Variants in SDC4 observed in about 807,000 individuals in gnomAD.
SDC4 encodes syndecan-4.
Under a neutral mutation model 20.5 loss-of-function variants are expected in SDC4, and 17 were observed. That is an observed-to-expected ratio of 0.83 (90% confidence interval 0.57 to 1.25). SDC4 has a LOEUF of 1.25. SDC4 is among the 50% of genes most tolerant of loss of function. The pLI is 0.00. For synonymous variants in SDC4, 107 were observed against 105.3 expected (o/e 1.02, Z -0.10); for missense variants, 241 against 252.3 (o/e 0.96, Z 0.30).
chr20:45,335,215 T>C lies in SDC4; in HGVS notation c.199+567A>G, dbSNP rs190019782. Among the ~76,000 whole-genome samples, 3 of 151,720 alleles carry C rather than the reference T, an allele frequency of 2.0e-5. No individual in the cohort carries two copies. In the East Asian group the frequency reaches 5.9e-4, roughly 30 times the overall value. On this transcript the variant is annotated intron_variant, in intron 2 of 4. Coordinates refer to ENST00000372733, the MANE Select transcript of SDC4 (RefSeq NM_002999.4). ...TGTTTTGAGACAGGGTCTCACTCTG[T>C]CACCCAGGCTGGAGTGCAGTAGCAT...
chr20:45,329,573 G>A lies in SDC4; in HGVS notation c.445+793C>T, dbSNP rs60885512. Among the ~76,000 whole-genome samples, 448 of 152,310 alleles carry A rather than the reference G, an allele frequency of 2.9e-3. 3 individuals are homozygous for A. Among genetic ancestry groups the A allele is most frequent in the African/African-American group, 0.01 (423 of 41,568 alleles). ...CAGGTGAGACCTTCCATCTGTCCTG[G>A]ATGAAGCCAGGCTCTGTCCCTATAG... On this transcript the variant is annotated intron_variant, in intron 4 of 4. Coordinates refer to ENST00000372733, the MANE Select transcript of SDC4 (RefSeq NM_002999.4).
intron 3 of SDC4, among the ~76,000 whole-genome samples, chr20:45,331,668 G>A (rs919529880): frequency 3.3e-5 from 5 of 152,208 alleles, no homozygotes; most frequent in African/African-American, 1.2e-4. Context: ...CTCATTATAT[G>A]CTAATTATAC....
Position 45,327,130 on chromosome 20 carries a change from C to G in SDC4, c.*134G>C. The stretch of plus-strand genomic sequence containing the variant: ...TAGAAGACAATGTCTCTTCTGAACA[C>G]TTCAAAGGTAATCAGAGCTGGAGAT... On this transcript the variant is annotated 3_prime_UTR_variant, in exon 5 of 5. Coordinates refer to ENST00000372733, the MANE Select transcript of SDC4 (RefSeq NM_002999.4). 3.2e-6 allele frequency: 3 copies of G among 925,538 alleles called. No homozygotes were observed. Among genetic ancestry groups the G allele is most frequent in the Non-Finnish European group, 5.0e-6 (3 of 605,838 alleles). 57.3% of individuals were successfully genotyped at this position (925,538 alleles called of 1,614,324 possible). A position where few individuals can be genotyped will look rare whatever the true frequency, so the allele number is the denominator to read the frequency against.
At chr20:45,340,840 C>T (rs1429567272) in intron 1 of SDC4, among the ~76,000 whole-genome samples, 1 of 152,172 alleles carries the variant, frequency 6.6e-6, no homozygotes, top group Non-Finnish European at 1.5e-5. Context: ...TAGCAGGAGA[C>T]CCCCAGCAGC....
rs138028225 is a variant in SDC4, at chr20:45,327,372, G to C, written c.489C>G (p.Phe163Leu). ...TACGGTACATGAGCAGTAGGATCAGGAAGACGGCAAAGAGGATGCCCACGA... is the reference window on the plus strand; with the variant it reads ...TACGGTACATGAGCAGTAGGATCAGCAAGACGGCAAAGAGGATGCCCACGA... ...GGIVGILFAV[F>L]LILLLMYRMK... Residue 163 changes from phenylalanine to leucine, a missense_variant, in exon 5 of 5, where the codon TTC becomes TTG. By Grantham distance (22) the Phe-to-Leu change is conservative. Coordinates refer to ENST00000372733, the MANE Select transcript of SDC4 (RefSeq NM_002999.4). The C allele has an allele frequency of 1.2e-6, 2 of 1,614,100 alleles. No individual in the cohort carries two copies. The highest frequency in any genetic ancestry group is 1.7e-6 in the Non-Finnish European group (2 of 1,179,988).
At chr20:45,336,076 C>T (rs868810452) in intron 1 of SDC4, among the ~76,000 whole-genome samples, 156 bp from the exon 2 acceptor site, 4 of 152,292 alleles carry the variant, frequency 2.6e-5, no homozygotes, top group South Asian at 4.1e-4. Flanking sequence ...TCTAACTCAC[C>T]GCGTGTCCTT....
At chr20:45,334,992 C>T (rs908822875) in intron 2 of SDC4, among the ~76,000 whole-genome samples, 2 of 152,164 alleles carry the variant, frequency 1.3e-5, no homozygotes, top group Admixed American at 1.3e-4. Context: ...ACTTGCAAAG[C>T]TAAAACTTGC....
At chr20:45,330,645 C>G in intron 3 of SDC4, 81 bp from the exon 4 acceptor site, 1 of 1,249,788 alleles carries the variant, frequency 8.0e-7, no homozygotes, top group East Asian at 2.4e-5. Context: ...TTCAGCCAGG[C>G]AGAGAATCTG....
chr20:45,344,849 C>T (rs150971592), intron 1 of SDC4, among the ~76,000 whole-genome samples: 1 of 152,284 alleles, frequency 6.6e-6, no homozygotes, highest in Non-Finnish European at 1.5e-5. Flanking sequence ...GACCCAGAGA[C>T]AGGGCATGTT....
chr20:45,328,285 G>A (rs1260754442), intron 4 of SDC4, among the ~76,000 whole-genome samples: 1 of 152,178 alleles, frequency 6.6e-6, no homozygotes, highest in Non-Finnish European at 1.5e-5. Context: ...CTTCCTGGCT[G>A]TGTGATTTGG....
At chr20:45,338,974 A>C (rs1419474726) in intron 1 of SDC4, among the ~76,000 whole-genome samples, 1 of 152,134 alleles carries the variant, frequency 6.6e-6, no homozygotes, top group African/African-American at 2.4e-5. Flanking sequence ...CAGTGGTGAT[A>C]GGAGGACACA....
intron 1 of SDC4, among the ~76,000 whole-genome samples, chr20:45,347,337 G>A (rs1198526640): frequency 1.3e-5 from 2 of 152,222 alleles, no homozygotes; most frequent in Non-Finnish European, 2.9e-5. Context: ...ACAAAGCTCA[G>A]GCTGTGGGGG....
At chr20:45,348,209 G>A (rs561133796) in intron 1 of SDC4, 116 bp downstream of exon 1, 56 of 999,324 alleles carry the variant, frequency 5.6e-5, no homozygotes, top group African/African-American at 4.3e-4. Context: ...CTCGGTGTCC[G>A]GTTGGGGGTA....
chr20:45,338,373 C>A (rs1360903803), intron 1 of SDC4, among the ~76,000 whole-genome samples: 2 of 152,044 alleles, frequency 1.3e-5, no homozygotes, highest in Non-Finnish European at 2.9e-5. Flanking sequence ...GTAGGGGGGT[C>A]AATCTAGCCG....
At position 45,343,745 on chromosome 20, in the gene SDC4, A is replaced by T. The variant is rs1987989956; in HGVS notation, c.60+4580T>A. On this transcript the variant is annotated intron_variant, in intron 1 of 4. Transcript: ENST00000372733. ...ACCTGGGCTCAGAATCTTCAGAGAT[A>T]GGACCCCCTGGCATGAAGGTGGCCT... Among the ~76,000 whole-genome samples, 3 of 152,218 alleles carry T rather than the reference A, an allele frequency of 2.0e-5. No individual in the cohort carries two copies. The South Asian group carries it at 6.2e-4, about 31-fold the overall frequency.
chr20:45,338,045 C>T (rs1478234763), intron 1 of SDC4, among the ~76,000 whole-genome samples: 2 of 152,206 alleles, frequency 1.3e-5, no homozygotes, highest in African/African-American at 2.4e-5. Context: ...GCCCAAGTGC[C>T]TATACCTAAG....
intron 1 of SDC4, among the ~76,000 whole-genome samples, chr20:45,341,842 G>C (rs749290812): frequency 6.6e-6 from 1 of 152,158 alleles, no homozygotes; most frequent in Admixed American, 6.5e-5. Flanking sequence ...GGAGCCTCTG[G>C]ATGTCTCCCT....
At chr20:45,348,217 G>A in intron 1 of SDC4, 108 bp downstream of exon 1, 2 of 1,054,014 alleles carry the variant, frequency 1.9e-6, no homozygotes, top group South Asian at 1.4e-5. Flanking sequence ...CCGGTTGGGG[G>A]TAGCGTACCC....
At chr20:45,348,115 A>G (rs1488067265) in intron 1 of SDC4, among the ~76,000 whole-genome samples, 3 of 151,522 alleles carry the variant, frequency 2.0e-5, no homozygotes, top group Non-Finnish European at 4.4e-5. Context: ...GAAGAGCAAC[A>G]GGCGAGGGGC....
Sources: allele counts gnomAD v4.1 joint callset (sites outside exome capture counted in the v4.1 genomes callset), GRCh38; gene constraint gnomAD v4.1.1; transcripts MANE v1.5; gene names NCBI Gene and HGNC (gene_info 2026-07-23, HGNC 2026-07-21).